Variants in BAIAP2L1 observed in about 807,000 individuals in gnomAD.
The protein encoded by BAIAP2L1 is BAR/IMD domain-containing adapter protein 2-like 1.
BAIAP2L1 carries 35 observed loss-of-function variants against 66.3 expected under a neutral mutation model. The ratio of observed to expected loss-of-function variants is 0.53; its 90% CI spans 0.40 to 0.70. The LOEUF (loss-of-function observed/expected upper bound fraction) is 0.70, where lower values mean the gene tolerates loss of function less well. BAIAP2L1 is among the 30% of genes least tolerant of loss of function. BAIAP2L1 has a pLI of 0.00. For missense variants in BAIAP2L1, 622 were observed against 656.9 expected, an observed-to-expected ratio of 0.95 and a Z score of 0.58; for synonymous variants, 269 against 248.7, an observed-to-expected ratio of 1.08 and a Z score of -0.77.
chr7:98,368,932 C>T (rs774146535), intron 1 of BAIAP2L1, among the ~76,000 whole-genome samples: 5 of 151,504 alleles, frequency 3.3e-5, no homozygotes, highest in Admixed American at 1.3e-4. Context: ...TATGAGCGAT[C>T]GCATACAGGT....
At chr7:98,331,971 C>A (rs7787850) in intron 3 of BAIAP2L1, among the ~76,000 whole-genome samples, 1 of 152,142 alleles carries the variant, frequency 6.6e-6, no homozygotes, top group Non-Finnish European at 1.5e-5. Flanking sequence ...TAAAGACATT[C>A]TCAGACAAAC....
At chr7:98,321,298 G>A (rs981255019) in intron 3 of BAIAP2L1, among the ~76,000 whole-genome samples, 10 of 152,108 alleles carry the variant, frequency 6.6e-5, no homozygotes, top group East Asian at 1.9e-4. Flanking sequence ...TATTTTTATC[G>A]AATCCCCAGA....
intron 3 of BAIAP2L1, among the ~76,000 whole-genome samples, chr7:98,337,352 C>G (rs528472493): frequency 1.3e-5 from 2 of 151,952 alleles, no homozygotes; most frequent in African/African-American, 4.8e-5. Flanking sequence ...CTGCCTCAGT[C>G]TCCCGAGTAG....
At chr7:98,395,555 T>TTACAC (rs1293460253) in intron 1 of BAIAP2L1, among the ~76,000 whole-genome samples, 1 of 152,066 alleles carries the variant, frequency 6.6e-6, no homozygotes, top group Non-Finnish European at 1.5e-5. Flanking sequence ...TGGGTGGTGG[T>TTACAC]TACACAGGTG....
intron 3 of BAIAP2L1, among the ~76,000 whole-genome samples, chr7:98,352,632 G>A (rs971763137): frequency 3.3e-5 from 5 of 152,004 alleles, no homozygotes; most frequent in African/African-American, 9.7e-5. Context: ...ATGGAGTGAG[G>A]TTCCGTCTCA....
chr7:98,377,725 G>A (rs1295606791), intron 1 of BAIAP2L1, among the ~76,000 whole-genome samples: 2 of 149,984 alleles, frequency 1.3e-5, no homozygotes, highest in African/African-American at 4.9e-5. Context: ...GGCTGAGGCA[G>A]GAGAATCACT....
chr7:98,293,604 G>T lies in BAIAP2L1; in HGVS notation c.1461-8C>A. 6.2e-7 allele frequency: 1 copy of T among 1,611,970 alleles called. No individual in the cohort carries two copies. The highest frequency in any genetic ancestry group is 8.5e-7 in the Non-Finnish European group (1 of 1,178,152). Reference sequence around the variant, plus strand: ...GCAAAGGGGTTTTCTCCGCTGCAGGGGATAAGAAAAATCTTTCAGAACTTC... The same window carrying T: ...GCAAAGGGGTTTTCTCCGCTGCAGGTGATAAGAAAAATCTTTCAGAACTTC... On this transcript the variant is annotated splice_polypyrimidine_tract_variant and splice_region_variant and intron_variant, in intron 13 of 13. Coordinates refer to ENST00000005260, the MANE Select transcript of BAIAP2L1 (RefSeq NM_018842.5).
intron 1 of BAIAP2L1, among the ~76,000 whole-genome samples, chr7:98,393,060 TAC>T (rs1446400202): frequency 2.2e-5 from 2 of 92,748 alleles, no homozygotes; most frequent in African/African-American, 4.7e-5. Context: ...TACATATATG[TAC>T]ACATATATGT....
At chr7:98,387,297 A>G (rs936860776) in intron 1 of BAIAP2L1, among the ~76,000 whole-genome samples, 9 of 152,122 alleles carry the variant, frequency 5.9e-5, no homozygotes, top group African/African-American at 2.2e-4. Context: ...TCTTTTCTCC[A>G]GCGTGGTTTC....
intron 9 of BAIAP2L1, chr7:98,308,231 G>A (rs748969406): frequency 2.0e-5 from 10 of 506,180 alleles, no homozygotes; most frequent in South Asian, 3.1e-5. Flanking sequence ...GAGACAAACC[G>A]CTCCAACGCC....
At chr7:98,398,703 C>T (rs1435808113) in intron 1 of BAIAP2L1, among the ~76,000 whole-genome samples, 2 of 152,096 alleles carry the variant, frequency 1.3e-5, no homozygotes, top group African/African-American at 2.4e-5. Context: ...AAGACATGCC[C>T]AAGTGGTTGG....
chr7:98,396,435 T>A (rs958545195), intron 1 of BAIAP2L1, among the ~76,000 whole-genome samples: 2 of 152,134 alleles, frequency 1.3e-5, no homozygotes, highest in African/African-American at 4.8e-5. Context: ...GACAGAAAAT[T>A]CCAGTGACAC....
intron 2 of BAIAP2L1, among the ~76,000 whole-genome samples, chr7:98,359,480 C>T (rs150776753): frequency 1.3e-5 from 2 of 152,142 alleles, no homozygotes; most frequent in African/African-American, 4.8e-5. Flanking sequence ...ACCATGTTGG[C>T]CAGCCTGGTC....
chr7:98,335,860 C>T (rs964818148), intron 3 of BAIAP2L1, among the ~76,000 whole-genome samples: 2 of 152,154 alleles, frequency 1.3e-5, no homozygotes, highest in African/African-American at 4.8e-5. Context: ...CCAGGTTTTA[C>T]AGAAGGGCTT....
intron 8 of BAIAP2L1, among the ~76,000 whole-genome samples, chr7:98,311,351 G>A (rs907974757): frequency 1.2e-4 from 18 of 151,656 alleles, no homozygotes; most frequent in African/African-American, 4.4e-4. Flanking sequence ...TGACCATCCT[G>A]GCTAACATGG....
At chr7:98,297,200 GCAAGAATC>G (rs1423476909) in intron 12 of BAIAP2L1, among the ~76,000 whole-genome samples, 3 of 152,206 alleles carry the variant, frequency 2.0e-5, no homozygotes, top group Admixed American at 6.5e-5. Context: ...CCCATCTCCC[GCAAGAATC>G]CAAGAATCCA....
chr7:98,300,942 G>A (rs377205079), intron 12 of BAIAP2L1, among the ~76,000 whole-genome samples: 1 of 152,154 alleles, frequency 6.6e-6, no homozygotes, highest in South Asian at 2.1e-4. Context: ...CCCCTGATGC[G>A]TCCCAGGAAC....
In BAIAP2L1 at chr7:98,293,395, G is replaced by T; in HGVS notation, c.*126C>A. Reference sequence around the variant, plus strand: ...AAACAGAGAAGCATGATTTGCTTAAGCAGGCGACATTAGAGTTAGGCCTCT... The same window carrying T: ...AAACAGAGAAGCATGATTTGCTTAATCAGGCGACATTAGAGTTAGGCCTCT... On this transcript the variant is annotated 3_prime_UTR_variant, in exon 14 of 14. Coordinates refer to ENST00000005260, the MANE Select transcript of BAIAP2L1 (RefSeq NM_018842.5). 1.2e-6 allele frequency: 1 copy of T among 847,926 alleles called. No individual in the cohort carries two copies. Among genetic ancestry groups the T allele is most frequent in the Non-Finnish European group, 1.9e-6 (1 of 527,042 alleles). 52.5% of individuals were successfully genotyped at this position (847,926 alleles called of 1,614,324 possible).
intron 12 of BAIAP2L1, among the ~76,000 whole-genome samples, chr7:98,295,245 G>A (rs114683609): frequency 0.012 from 1,762 of 152,316 alleles, 39 homozygotes; most frequent in African/African-American, 0.041. Flanking sequence ...ACAGGCTGTG[G>A]AGACGGAAGG....
Sources: allele counts gnomAD v4.1 joint callset (sites outside exome capture counted in the v4.1 genomes callset), GRCh38; gene constraint gnomAD v4.1.1; transcripts MANE v1.5; gene names NCBI Gene and HGNC (gene_info 2026-07-23, HGNC 2026-07-21).